WDR7: variants seen among roughly 807,000 people sequenced by gnomAD.
WDR7 encodes WD repeat domain 7.
In WDR7, 46 loss-of-function variants were observed where a neutral mutation model predicts 169.4. That is an observed-to-expected ratio of 0.27 (90% CI 0.21 to 0.35). The LOEUF is 0.35. Among genes scored for constraint, WDR7 ranks in the 10% least tolerant of loss-of-function variants. WDR7 has a pLI of 1.00. For synonymous variants in WDR7, 612 were observed against 666.8 expected, an observed-to-expected ratio of 0.92 and a Z score of 1.27; for missense variants, 1,534 against 1,859.3, an observed-to-expected ratio of 0.83 and a Z score of 3.22.
At chr18:57,036,361 G>A in the WDR7 span, 6 of 152,272 alleles carry the variant, frequency 3.9e-5, no homozygotes, top group African/African-American at 1.4e-4. Flanking sequence ...TCTCCTCAAG[G>A]CCACATCCTC....
intron 22 of WDR7, among the ~76,000 whole-genome samples, chr18:56,932,874 GGTGTGTGT>G (rs34838445): frequency 6.1e-4 from 81 of 131,990 alleles, no homozygotes; most frequent in Admixed American, 2.9e-3. Flanking sequence ...CTTCATTCTG[GGTGTGTGT>G]GTGTGTGTGT....
At chr18:56,697,646 CT>C (rs367971838) in intron 12 of WDR7, among the ~76,000 whole-genome samples, 335 of 152,224 alleles carry the variant, frequency 2.2e-3, no homozygotes, top group African/African-American at 7.4e-3. Flanking sequence ...GTTACAACCC[CT>C]CTCCTAAACT....
chr18:56,739,689 T>A (rs559042902), intron 14 of WDR7, among the ~76,000 whole-genome samples: 1 of 152,222 alleles, frequency 6.6e-6, no homozygotes. Context: ...GTTTGCTGAT[T>A]ATAGATTTTT....
chr18:56,665,170 G>A (rs1045135869), intron 1 of WDR7, among the ~76,000 whole-genome samples: 1 of 152,018 alleles, frequency 6.6e-6, no homozygotes, highest in East Asian at 1.9e-4. Flanking sequence ...GCGGGCGCCT[G>A]TAATCCCAGC....
At chr18:56,876,442 C>T (rs1330439756) in intron 20 of WDR7, among the ~76,000 whole-genome samples, 1 of 152,000 alleles carries the variant, frequency 6.6e-6, no homozygotes, top group South Asian at 2.1e-4. Flanking sequence ...TAACTAGGCT[C>T]AAAAAAGATA....
chr18:56,733,372 G>A (rs2026628985), intron 14 of WDR7, among the ~76,000 whole-genome samples: 1 of 152,070 alleles, frequency 6.6e-6, no homozygotes, highest in Admixed American at 6.6e-5. Context: ...TATTTAAAGA[G>A]CTGTCCTCTG....
intron 16 of WDR7, among the ~76,000 whole-genome samples, chr18:56,764,051 G>A (rs1370193667): frequency 6.7e-6 from 1 of 149,970 alleles, no homozygotes. Context: ...ACTGGTTTTT[G>A]ATTTGATTAT....
chr18:56,667,696 C>T (rs545190344), intron 1 of WDR7, among the ~76,000 whole-genome samples: 138 of 152,138 alleles, frequency 9.1e-4, no homozygotes, highest in Middle Eastern at 3.4e-3. Flanking sequence ...TTCTTTTATC[C>T]TCAAAGTACC....
intron 26 of WDR7, chr18:57,010,247 T>G (rs1196280328): frequency 1.0e-6 from 1 of 985,332 alleles, no homozygotes; most frequent in Non-Finnish European, 1.2e-6. Context: ...GAAGAAAACA[T>G]TTTGTGTGAC....
chr18:56,742,267 G>C (rs1169608907), intron 14 of WDR7, among the ~76,000 whole-genome samples: 5 of 152,162 alleles, frequency 3.3e-5, no homozygotes, highest in Non-Finnish European at 5.9e-5. Context: ...GGAGTGCTAG[G>C]TGGATTAAAC....
intron 26 of WDR7, among the ~76,000 whole-genome samples, chr18:56,989,821 T>C (rs1419099267): frequency 6.6e-6 from 1 of 152,198 alleles, no homozygotes; most frequent in Non-Finnish European, 1.5e-5. Context: ...GAATATTATT[T>C]AAACCTTGAC....
At chr18:56,882,575 C>T (rs556533648) in intron 21 of WDR7, among the ~76,000 whole-genome samples, 1 of 152,250 alleles carries the variant, frequency 6.6e-6, no homozygotes, top group South Asian at 2.1e-4. Flanking sequence ...ACAAACTTCC[C>T]ATTAAAAATC....
At chr18:56,761,299 T>C (rs1266696447) in intron 16 of WDR7, among the ~76,000 whole-genome samples, 1 of 152,198 alleles carries the variant, frequency 6.6e-6, no homozygotes, top group Non-Finnish European at 1.5e-5. Flanking sequence ...CATCAACCAT[T>C]GCATCTGGCC....
At chr18:56,998,531 G>T (rs760743066) in intron 26 of WDR7, among the ~76,000 whole-genome samples, 5 of 152,238 alleles carry the variant, frequency 3.3e-5, no homozygotes, top group African/African-American at 1.2e-4. Flanking sequence ...TGAATTAATC[G>T]TTTAACTTCT....
chr18:56,896,321 T>C (rs1328571022), intron 21 of WDR7, among the ~76,000 whole-genome samples: 1 of 151,840 alleles, frequency 6.6e-6, no homozygotes, highest in Non-Finnish European at 1.5e-5. Context: ...GTTTTTGTTA[T>C]TGAACTTGGC....
At chr18:56,678,756 A>G (rs947094951) in intron 2 of WDR7, among the ~76,000 whole-genome samples, 1 of 152,164 alleles carries the variant, frequency 6.6e-6, no homozygotes, top group African/African-American at 2.4e-5. Context: ...TAGCCTCCCA[A>G]AGTGCTGGGA....
At chr18:56,937,078 TATTA>T (rs1440263182) in intron 23 of WDR7, among the ~76,000 whole-genome samples, 1 of 152,200 alleles carries the variant, frequency 6.6e-6, no homozygotes, top group Non-Finnish European at 1.5e-5. Context: ...CAGGTCCTTG[TATTA>T]ATTGTGTTTT....
chr18:56,981,996 A>G (rs1451345055), intron 26 of WDR7, among the ~76,000 whole-genome samples: 1 of 136,620 alleles, frequency 7.3e-6, no homozygotes, highest in Non-Finnish European at 1.6e-5. Flanking sequence ...ATGATTTTGG[A>G]TATGCCATGA....
intron 17 of WDR7, among the ~76,000 whole-genome samples, chr18:56,778,788 G>A (rs929782069): frequency 1.3e-5 from 2 of 152,060 alleles, no homozygotes; most frequent in Non-Finnish European, 2.9e-5. Flanking sequence ...TTAAGATTTT[G>A]TAAATTTTGA....
Sources: gnomAD v4.1 joint callset for allele counts (sites outside exome capture counted in the v4.1 genomes callset) on GRCh38, gnomAD v4.1.1 for gene constraint, MANE v1.5 for transcripts, NCBI Gene and HGNC (gene_info 2026-07-23, HGNC 2026-07-21) for gene names.